ZC3H12C: variants seen among roughly 807,000 people sequenced by gnomAD.
ZC3H12C encodes the protein probable ribonuclease ZC3H12C.
In ZC3H12C, 20 loss-of-function variants were observed where a neutral mutation model predicts 76.3. That is an observed-to-expected ratio of 0.26 (90% CI 0.18 to 0.38). The LOEUF is 0.38. Among genes scored for constraint, ZC3H12C ranks in the 10% least tolerant of loss-of-function variants. The pLI, the probability that ZC3H12C is intolerant of heterozygous loss-of-function variation, is 1.00. For missense variants in ZC3H12C, 874 were observed against 1,086.5 expected (o/e 0.80, Z 2.75); for synonymous variants, 352 against 399.6 (o/e 0.88, Z 1.42).
In ZC3H12C at chr11:110,136,413, A is replaced by G. The variant is rs528276213; in HGVS notation, c.22-250A>G. 1.3e-5 allele frequency: 5 copies of G among 398,092 alleles called. No homozygotes were observed. The Admixed American group carries it at 2.1e-4, about 16-fold the overall frequency. 24.7% of individuals were successfully genotyped at this position (398,092 alleles called of 1,614,324 possible). On this transcript the variant is annotated intron_variant, in intron 1 of 5. Coordinates refer to ENST00000278590, the MANE Select transcript of ZC3H12C (RefSeq NM_033390.2). ...GTTTTAGAATCAGACGAAACTGGGT[A>G]AAAAAATACAGTTCTACTACTTATT...
chr11:110,147,354 T>A (rs575275724), intron 2 of ZC3H12C, among the ~76,000 whole-genome samples: 1 of 152,024 alleles, frequency 6.6e-6, no homozygotes, highest in South Asian at 2.1e-4. Flanking sequence ...TACTAAAGGG[T>A]AGGGCTGATT....
At position 110,169,924 on chromosome 11, in the gene ZC3H12C, G is replaced by A. The variant is rs1288716394; in HGVS notation, c.*4187G>A. ...CCACAGATAACATGTAAATTAGTGT[G>A]GCTGTGTTCCAATAAAACTTTATTT... On this transcript the variant is annotated 3_prime_UTR_variant, in exon 6 of 6. Coordinates refer to ENST00000278590, the MANE Select transcript of ZC3H12C (RefSeq NM_033390.2). The A allele has an allele frequency of 2.0e-5, 3 of 152,234 alleles. No individual in the cohort carries two copies. Among genetic ancestry groups the A allele is most frequent in the Non-Finnish European group, 4.4e-5 (3 of 68,042 alleles). 9.4% of individuals were successfully genotyped at this position (152,234 alleles called of 1,614,324 possible).
At chr11:110,095,992 C>T (rs1265400067) in intron 1 of ZC3H12C, among the ~76,000 whole-genome samples, 1 of 152,110 alleles carries the variant, frequency 6.6e-6, no homozygotes, top group Non-Finnish European at 1.5e-5. Context: ...GGAGTTTGAT[C>T]GTAAATCTAC....
At chr11:110,115,646 G>A (rs1861512500) in intron 1 of ZC3H12C, among the ~76,000 whole-genome samples, 2 of 151,704 alleles carry the variant, frequency 1.3e-5, no homozygotes, top group Non-Finnish European at 2.9e-5. Flanking sequence ...TGTTGCCTAG[G>A]CTGGTCTTGA....
chr11:110,106,749 A>G (rs558827487), intron 1 of ZC3H12C, among the ~76,000 whole-genome samples: 5 of 152,330 alleles, frequency 3.3e-5, no homozygotes, highest in African/African-American at 1.2e-4. Flanking sequence ...TTATGTAATC[A>G]TCTGGCTACC....
chr11:110,123,394 T>C (rs1352596005), intron 1 of ZC3H12C, among the ~76,000 whole-genome samples: 10 of 152,256 alleles, frequency 6.6e-5, no homozygotes, highest in Admixed American at 3.9e-4. Context: ...CTGGAAAATA[T>C]TGGATGAAGT....
chr11:110,117,240 A>G (rs1043919689), intron 1 of ZC3H12C, among the ~76,000 whole-genome samples: 1 of 152,202 alleles, frequency 6.6e-6, no homozygotes, highest in African/African-American at 2.4e-5. Context: ...TCTTAGTGAA[A>G]TATCAGCATA....
chr11:110,167,799 A>T lies in ZC3H12C; in HGVS notation c.*2062A>T, dbSNP rs1862608679. ...AGTGTGGCACTCATCTGTATCCAGA[A>T]ATAATATGGGTGAGGCCACACAACC... On this transcript the variant is annotated 3_prime_UTR_variant, in exon 6 of 6. Coordinates refer to ENST00000278590, the MANE Select transcript of ZC3H12C (RefSeq NM_033390.2). The T allele has an allele frequency of 6.6e-6, 1 of 152,178 alleles. No homozygotes were observed. The highest frequency in any genetic ancestry group is 1.5e-5 in the Non-Finnish European group (1 of 68,010). The allele number at this position is 152,178 out of a possible 1,614,324, so 9.4% of individuals were successfully genotyped here. A position where few individuals can be genotyped will look rare whatever the true frequency, so the allele number is the denominator to read the frequency against.
At chr11:110,095,451 G>A (rs185604002) in intron 1 of ZC3H12C, among the ~76,000 whole-genome samples, 1 of 152,214 alleles carries the variant, frequency 6.6e-6, no homozygotes, top group East Asian at 1.9e-4. Context: ...TGATTTGATA[G>A]CATTTTTAAA....
intron 1 of ZC3H12C, among the ~76,000 whole-genome samples, chr11:110,110,847 TC>T (rs1327492275): frequency 1.3e-5 from 2 of 152,198 alleles, no homozygotes; most frequent in Admixed American, 1.3e-4. Context: ...AGAAAGATAT[TC>T]TGTACTAAAA....
At chr11:110,135,171 G>A (rs116612501) in intron 1 of ZC3H12C, among the ~76,000 whole-genome samples, 61 of 152,108 alleles carry the variant, frequency 4.0e-4, no homozygotes, top group African/African-American at 1.3e-3. Flanking sequence ...CTGTATCTGC[G>A]TAGAATACCA....
rs751462680 is a variant in ZC3H12C at position 110,136,761 on chromosome 11, T to C, written c.120T>C (p.His40=). 1 of 1,613,976 alleles carries C rather than the reference T, an allele frequency of 6.2e-7. No homozygotes were observed. The highest frequency in any genetic ancestry group is 8.5e-7 in the Non-Finnish European group (1 of 1,179,882). The change falls in exon 2 of 6, where the codon CAT becomes CAC. Residue 40 remains histidine, a synonymous_variant. Transcript: ENST00000278590. ...NFMGLKDHLG[H]DLGHLYVEST... The stretch of plus-strand genomic sequence containing the variant: ...TGGGCTTGAAGGATCACCTAGGGCA[T>C]GACCTCGGCCACCTTTATGTGGAGA...
chr11:110,164,331 C>T lies in ZC3H12C; in HGVS notation c.1256-10C>T. The T allele has an allele frequency of 6.3e-7, 1 of 1,582,490 alleles. No homozygotes were observed. Among genetic ancestry groups the T allele is most frequent in the South Asian group, 1.2e-5 (1 of 86,136 alleles). On this transcript the variant is annotated splice_polypyrimidine_tract_variant and intron_variant, in intron 5 of 5. Coordinates refer to ENST00000278590, the MANE Select transcript of ZC3H12C (RefSeq NM_033390.2). This position sits in a 1 kb window ranked among gnomAD's most constrained non-coding sequence, Gnocchi z 5.7. Reference sequence around the variant, plus strand: ...ATGCTCCTTTGCCTAATTAATTTTACTCTTCTTAGGAAAGAAGTGTACCTA... The same window carrying T: ...ATGCTCCTTTGCCTAATTAATTTTATTCTTCTTAGGAAAGAAGTGTACCTA...
rs755249395 is a variant in ZC3H12C at position 110,136,763 on chromosome 11, A to G, written c.122A>G (p.Asp41Gly). The stretch of plus-strand genomic sequence containing the variant: ...GGCTTGAAGGATCACCTAGGGCATG[A>G]CCTCGGCCACCTTTATGTGGAGAGC... ...FMGLKDHLGHDLGHLYVESTD... is the reference protein window; with the variant it reads ...FMGLKDHLGHGLGHLYVESTD... The change falls in exon 2 of 6, where the codon GAC becomes GGC. Residue 41 changes from aspartate (D) to glycine (G), a missense_variant. Coordinates refer to ENST00000278590, the MANE Select transcript of ZC3H12C (RefSeq NM_033390.2). 11 of 1,613,806 alleles carry G rather than the reference A, an allele frequency of 6.8e-6. No homozygotes were observed. Among genetic ancestry groups the G allele is most frequent in the Non-Finnish European group, 9.3e-6 (11 of 1,179,884 alleles).
intron 1 of ZC3H12C, among the ~76,000 whole-genome samples, chr11:110,132,007 C>T (rs903244778): frequency 2.6e-5 from 4 of 152,180 alleles, no homozygotes; most frequent in African/African-American, 9.6e-5. Context: ...CAACAGCACT[C>T]ACTCAAATAC....
chr11:110,096,074 C>G (rs1258529749), intron 1 of ZC3H12C, among the ~76,000 whole-genome samples: 1 of 152,154 alleles, frequency 6.6e-6, no homozygotes, highest in African/African-American at 2.4e-5. Flanking sequence ...TATGAAATCT[C>G]ATGACTTTAC....
At position 110,164,243 on chromosome 11, in the gene ZC3H12C, T is replaced by A; in HGVS notation, c.1256-98T>A. 9.1e-7 allele frequency: 1 copy of A among 1,103,676 alleles called. No homozygotes were observed. The highest frequency in any genetic ancestry group is 1.3e-6 in the Non-Finnish European group (1 of 793,528). 68.4% of individuals were successfully genotyped at this position (1,103,676 alleles called of 1,614,324 possible). A position where few individuals can be genotyped will look rare whatever the true frequency, so the allele number is the denominator to read the frequency against. On this transcript the variant is annotated intron_variant, in intron 5 of 5. Transcript: ENST00000278590. This position sits in a 1 kb window ranked among gnomAD's most constrained non-coding sequence, Gnocchi z 5.7. ...TGACACTTAGCACAGCTCCCATTTC[T>A]ATCGTTGTCTCTTCTACAAGTTAAA...
chr11:110,133,034 A>G (rs970460994), intron 1 of ZC3H12C, among the ~76,000 whole-genome samples: 2 of 152,138 alleles, frequency 1.3e-5, no homozygotes, highest in Non-Finnish European at 2.9e-5. Context: ...TAAGTTTTAC[A>G]TATTTCATTA....
chr11:110,154,091 G>T (rs139028976), intron 3 of ZC3H12C, among the ~76,000 whole-genome samples: 84 of 152,338 alleles, frequency 5.5e-4, no homozygotes, highest in African/African-American at 1.9e-3. Flanking sequence ...TTAATTTTTG[G>T]CTGGGCGCAG....
Sources: allele counts gnomAD v4.1 joint callset (sites outside exome capture counted in the v4.1 genomes callset), GRCh38; gene constraint gnomAD v4.1.1; non-coding constraint Gnocchi (gnomAD v3.1); transcripts MANE v1.5; gene names NCBI Gene and HGNC (gene_info 2026-07-23, HGNC 2026-07-21).